The following COL24A1 variants were observed in gnomAD, a reference collection of about 807,000 sequenced individuals.
COL24A1 encodes the protein collagen type XXIV alpha 1 chain.
COL24A1 carries 224 observed loss-of-function variants against 253.9 expected under a neutral mutation model. The observed-to-expected ratio is 0.88, with a 90% CI of 0.79 to 0.99. The LOEUF (loss-of-function observed/expected upper bound fraction) is 0.99. Ranked by LOEUF, COL24A1 falls within the 50% of genes least tolerant of loss-of-function variation. COL24A1 has a pLI of 0.00. For missense variants in COL24A1, 2,131 were observed against 2,068.5 expected (o/e 1.03, Z -0.59); for synonymous variants, 685 against 673.7 (o/e 1.02, Z -0.26).
At chr1:85,776,382 A>G (rs1206052331) in intron 52 of COL24A1, among the ~76,000 whole-genome samples, 8 of 152,048 alleles carry the variant, frequency 5.3e-5, no homozygotes, top group Non-Finnish European at 8.8e-5. Flanking sequence ...TGAACGTTCC[A>G]TATGCACTTG....
intron 7 of COL24A1, among the ~76,000 whole-genome samples, chr1:86,075,349 T>C (rs1702173591): frequency 6.6e-6 from 1 of 151,972 alleles, no homozygotes; most frequent in Non-Finnish European, 1.5e-5. Context: ...TAGGAAGAAG[T>C]CAAATCCCTG....
rs562851096 is a variant in COL24A1, at chr1:85,948,490, C to T, written c.2562+12759G>A. Among the ~76,000 whole-genome samples, 4 of 133,406 alleles carry T rather than the reference C, an allele frequency of 3.0e-5. No individual in the cohort carries two copies. In the South Asian group the frequency reaches 9.7e-4, roughly 32 times the overall value. 87.5% of individuals were successfully genotyped at this position (133,406 alleles called of 152,430 possible). A position where few individuals can be genotyped will look rare whatever the true frequency, so the allele number is the denominator to read the frequency against. ...AGTGAGCCGAGATCGCGCCACTGCA[C>T]TCCAGCCTGGGCGACAGAGCGAGAC... On this transcript the variant is annotated intron_variant, in intron 24 of 59. Coordinates refer to ENST00000370571, the MANE Select transcript of COL24A1 (RefSeq NM_152890.7).
chr1:86,074,709 A>G (rs1285884143), intron 7 of COL24A1, among the ~76,000 whole-genome samples: 1 of 152,228 alleles, frequency 6.6e-6, no homozygotes, highest in Non-Finnish European at 1.5e-5. Flanking sequence ...AATTGGAAGT[A>G]AAACACTCCT....
At chr1:86,038,426 T>C (rs917169439) in intron 12 of COL24A1, among the ~76,000 whole-genome samples, 15 of 152,122 alleles carry the variant, frequency 9.9e-5, no homozygotes, top group African/African-American at 3.6e-4. Context: ...ATGTCAGCAA[T>C]GGTACCACTT....
At chr1:85,806,966 C>T (rs1389989272) in intron 47 of COL24A1, among the ~76,000 whole-genome samples, 2 of 152,144 alleles carry the variant, frequency 1.3e-5, no homozygotes, top group African/African-American at 4.8e-5. Flanking sequence ...CTTCAACTAG[C>T]CAGATTCTAT....
At chr1:85,954,498 T>C (rs1690237378) in intron 24 of COL24A1, among the ~76,000 whole-genome samples, 1 of 152,216 alleles carries the variant, frequency 6.6e-6, no homozygotes, top group East Asian at 1.9e-4. Context: ...TCTTGACTTC[T>C]CTGAAACATA....
At chr1:85,886,055 C>A (rs1682461170) in intron 32 of COL24A1, among the ~76,000 whole-genome samples, 1 of 151,826 alleles carries the variant, frequency 6.6e-6, no homozygotes, top group Non-Finnish European at 1.5e-5. Flanking sequence ...AATTGTGTTC[C>A]ACACACAATA....
At chr1:86,153,443 G>A (rs1653052408) in intron 1 of COL24A1, among the ~76,000 whole-genome samples, 1 of 152,162 alleles carries the variant, frequency 6.6e-6, no homozygotes, top group African/African-American at 2.4e-5. Flanking sequence ...ATAAATGAAT[G>A]ACAGAATAAT....
At chr1:86,058,847 G>C (rs1423863582) in intron 9 of COL24A1, among the ~76,000 whole-genome samples, 1 of 152,028 alleles carries the variant, frequency 6.6e-6, no homozygotes, top group Non-Finnish European at 1.5e-5. Context: ...AATCAGGACT[G>C]TTTTAAGAAC....
At chr1:85,821,982 AAT>A (rs1299828991) in intron 45 of COL24A1, among the ~76,000 whole-genome samples, 1 of 152,220 alleles carries the variant, frequency 6.6e-6, no homozygotes, top group Non-Finnish European at 1.5e-5. Flanking sequence ...ACTTACTGCA[AAT>A]ATAAGGAAGT....
intron 12 of COL24A1, among the ~76,000 whole-genome samples, chr1:86,039,458 C>G (rs763716713): frequency 6.6e-6 from 1 of 151,846 alleles, no homozygotes; most frequent in South Asian, 2.1e-4. Flanking sequence ...ATAAGAGGAC[C>G]AAGATAACCA....
chr1:85,921,309 T>C (rs950732221), intron 24 of COL24A1, among the ~76,000 whole-genome samples: 4 of 152,216 alleles, frequency 2.6e-5, no homozygotes, highest in Admixed American at 2.6e-4. Context: ...GCAGGTCCCA[T>C]GCCCATGGAG....
At chr1:86,155,918 G>GA (rs1653532455) in intron 1 of COL24A1, 1 of 164,926 alleles carries the variant, frequency 6.1e-6, no homozygotes. Flanking sequence ...GCAATCGCCA[G>GA]GCTGGACGCC....
chr1:86,046,023 T>C, intron 12 of COL24A1: 1 of 232,426 alleles, frequency 4.3e-6, no homozygotes. Flanking sequence ...ATCTCTAAGC[T>C]TTATTTTACT....
At chr1:86,123,369 C>A (rs1289743369) in intron 3 of COL24A1, among the ~76,000 whole-genome samples, 1 of 151,932 alleles carries the variant, frequency 6.6e-6, no homozygotes, top group Non-Finnish European at 1.5e-5. Flanking sequence ...ACATCTCTAG[C>A]CCATACACTT....
At position 85,925,359 on chromosome 1, in the gene COL24A1, T is replaced by C. The variant is rs187115086; in HGVS notation, c.2563-13926A>G. On this transcript the variant is annotated intron_variant, in intron 24 of 59. Coordinates refer to ENST00000370571, the MANE Select transcript of COL24A1 (RefSeq NM_152890.7). The stretch of plus-strand genomic sequence containing the variant: ...TATGGAACCAAAAAAGAGCCCGCAT[T>C]GCCAAGTCAATCCTAAGCCAAAAGA... 2.4e-4 allele frequency among the ~76,000 whole-genome samples: 36 copies of C among 152,200 alleles called. 1 individual carries two copies. In the Middle Eastern group the frequency reaches 0.014, roughly 58 times the overall value.
rs142770795 is a variant in COL24A1 at position 85,776,365 on chromosome 1, A to G, written c.4339-656T>C. Among the ~76,000 whole-genome samples the G allele has an allele frequency of 5.0e-3, 757 of 152,080 alleles. 7 individuals are homozygous for G. The highest frequency in any genetic ancestry group is 0.041 in the Middle Eastern group (12 of 294). On this transcript the variant is annotated intron_variant, in intron 52 of 59. Transcript: ENST00000370571. ...TGTTTTATGGCCCATAACATCTTCTATTTTGGTGAACGTTCCATATGCACT... is the reference window on the plus strand; with the variant it reads ...TGTTTTATGGCCCATAACATCTTCTGTTTTGGTGAACGTTCCATATGCACT...
intron 32 of COL24A1, among the ~76,000 whole-genome samples, chr1:85,886,239 G>T (rs1169488184): frequency 8.6e-5 from 13 of 151,876 alleles, no homozygotes; most frequent in African/African-American, 2.9e-4. Context: ...AGTAGAGGTG[G>T]GGTTTCACTA....
intron 18 of COL24A1, among the ~76,000 whole-genome samples, 195 bp from the exon 19 acceptor site, chr1:86,017,399 T>C (rs1697100704): frequency 6.6e-6 from 1 of 152,234 alleles, no homozygotes; most frequent in African/African-American, 2.4e-5. Context: ...ATGGGTTTAA[T>C]ATACATTCAC....
Sources: allele counts gnomAD v4.1 joint callset (sites outside exome capture counted in the v4.1 genomes callset), GRCh38; gene constraint gnomAD v4.1.1; transcripts MANE v1.5; gene names NCBI Gene and HGNC (gene_info 2026-07-23, HGNC 2026-07-21).